The following DIAPH2 variants were observed in gnomAD, a reference collection of about 807,000 sequenced individuals.
DIAPH2 encodes the protein protein diaphanous homolog 2.
A neutral mutation model predicts 92.7 loss-of-function variants in DIAPH2; 35 were observed. The ratio of observed to expected loss-of-function variants is 0.38; its 90% CI spans 0.29 to 0.50. The LOEUF (loss-of-function observed/expected upper bound fraction) is 0.50. DIAPH2 is among the 20% of genes least tolerant of loss of function. The pLI is 0.94. For synonymous variants in DIAPH2, 301 were observed against 280.4 expected (o/e 1.07, Z -0.73); for missense variants, 701 against 819.5 (o/e 0.86, Z 1.77).
chrX:97,156,870 T>G (rs773709461), intron 22 of DIAPH2, among the ~76,000 whole-genome samples: 1 of 111,546 alleles, frequency 9.0e-6, no homozygotes, highest in African/African-American at 3.3e-5. Flanking sequence ...AGTAAAAGTT[T>G]TAGAATAAGC....
chrX:97,338,577 T>C (rs752691209), intron 23 of DIAPH2, among the ~76,000 whole-genome samples: 2 of 112,404 alleles, frequency 1.8e-5, no homozygotes, highest in African/African-American at 6.4e-5. Flanking sequence ...CTAAAGCTTG[T>C]GTGAAGGTTA....
Position 96,918,488 on chromosome X carries a change from TTTC to T in DIAPH2, c.870-15_870-13del. The T allele has an allele frequency of 1.9e-6, 2 of 1,048,811 alleles. No individual in the cohort carries two copies. The highest frequency in any genetic ancestry group is 2.6e-6 in the Non-Finnish European group (2 of 763,598). The allele number at this position is 1,048,811 out of a possible 1,213,427, so 86.4% of individuals were successfully genotyped here. A position where few individuals can be genotyped will look rare whatever the true frequency, so the allele number is the denominator to read the frequency against. On this transcript the variant is annotated intron_variant, in intron 8 of 26. Transcript: ENST00000324765. The stretch of plus-strand genomic sequence containing the variant: ...GTATAAGAAGTATTTCTCATTTCTG[TTTC>T]TTCTTTTTTCTCTACAGTCTAGATA...
At chrX:97,460,060 C>T (rs2070445702) in intron 26 of DIAPH2, among the ~76,000 whole-genome samples, 1 of 111,881 alleles carries the variant, frequency 8.9e-6, no homozygotes, top group Admixed American at 9.5e-5. Context: ...TTCTTTGTCC[C>T]ACAGCCACAA....
chrX:96,986,652 AG>A (rs1389220997), intron 17 of DIAPH2, among the ~76,000 whole-genome samples: 1 of 111,730 alleles, frequency 9.0e-6, no homozygotes. Context: ...CAGAAATACA[AG>A]ATTTAAGGCA....
chrX:97,059,640 A>G (rs2066583333), intron 17 of DIAPH2, among the ~76,000 whole-genome samples: 1 of 112,631 alleles, frequency 8.9e-6, no homozygotes, highest in Non-Finnish European at 1.9e-5. Context: ...TGTGTTACAT[A>G]CTGTATTCTT....
chrX:97,226,639 T>C (rs2067967742), intron 22 of DIAPH2, among the ~76,000 whole-genome samples: 1 of 111,545 alleles, frequency 9.0e-6, no homozygotes, highest in African/African-American at 3.3e-5. Flanking sequence ...CCTCCCACAG[T>C]GCTGGGATTA....
chrX:96,701,685 ATTTGT>A (rs1463677132), intron 1 of DIAPH2: 5 of 111,540 alleles, frequency 4.5e-5, no homozygotes, highest in African/African-American at 1.6e-4. Context: ...AAAGGCACAT[ATTTGT>A]TTTAAGTGTC....
At chrX:96,717,370 A>G (rs2063955723) in intron 1 of DIAPH2, among the ~76,000 whole-genome samples, 1 of 110,829 alleles carries the variant, frequency 9.0e-6, no homozygotes, top group South Asian at 3.8e-4. Flanking sequence ...AGAGCACTGA[A>G]GTCTGACTGT....
At chrX:97,210,557 T>C (rs562935131) in intron 22 of DIAPH2, among the ~76,000 whole-genome samples, 11 of 112,189 alleles carry the variant, frequency 9.8e-5, no homozygotes, top group Middle Eastern at 4.6e-3. Context: ...AAACACTGTG[T>C]GTTTTTATGT....
At chrX:96,763,789 C>T (rs957607607) in intron 4 of DIAPH2, among the ~76,000 whole-genome samples, 5 of 110,994 alleles carry the variant, frequency 4.5e-5, no homozygotes, top group South Asian at 3.8e-4. Flanking sequence ...CAAAGTGGCC[C>T]GTACTGTGAT....
At chrX:97,288,016 G>T (rs1233505363) in intron 23 of DIAPH2, among the ~76,000 whole-genome samples, 2 of 108,758 alleles carry the variant, frequency 1.8e-5, no homozygotes, top group Non-Finnish European at 3.8e-5. Flanking sequence ...CTTGTTTATG[G>T]TGAGGAAGAC....
chrX:97,286,148 C>T (rs1230112073), intron 23 of DIAPH2, among the ~76,000 whole-genome samples: 3 of 105,665 alleles, frequency 2.8e-5, no homozygotes, highest in African/African-American at 1.0e-4. Flanking sequence ...TCAAGCAATT[C>T]TCCCGCCTCA....
chrX:96,914,013 A>C lies in DIAPH2; in HGVS notation c.732+1461A>C, dbSNP rs1317832616. 3.6e-5 allele frequency among the ~76,000 whole-genome samples: 4 copies of C among 111,034 alleles called. No homozygotes were observed. In the East Asian group the frequency reaches 1.1e-3, roughly 31 times the overall value. ...AATAGATAATAGAAATAATTACAAC[A>C]ACAAGTAGAAGTTTGCCAAATGTAA... is the stretch of plus-strand genomic sequence containing the variant. On this transcript the variant is annotated intron_variant, in intron 7 of 26. Transcript: ENST00000324765.
At chrX:97,311,486 G>A (rs750437340) in intron 23 of DIAPH2, among the ~76,000 whole-genome samples, 44 of 111,352 alleles carry the variant, frequency 4.0e-4, no homozygotes, top group Non-Finnish European at 7.3e-4. Flanking sequence ...ACAACTTGGT[G>A]GGGGGAAGCC....
intron 26 of DIAPH2, among the ~76,000 whole-genome samples, chrX:97,436,567 C>T (rs902126794): frequency 6.3e-5 from 7 of 111,668 alleles, no homozygotes; most frequent in Non-Finnish European, 1.3e-4. Context: ...AAGAAACCTC[C>T]GTATGTATTA....
At chrX:97,408,650 T>G (rs1359205016) in intron 25 of DIAPH2, among the ~76,000 whole-genome samples, 1 of 112,039 alleles carries the variant, frequency 8.9e-6, no homozygotes, top group Admixed American at 9.5e-5. Context: ...ATTCCCTCAT[T>G]TGATTCCTTG....
At chrX:97,291,088 CA>C (rs376936652) in intron 23 of DIAPH2, among the ~76,000 whole-genome samples, 3 of 95,586 alleles carry the variant, frequency 3.1e-5, no homozygotes, top group Non-Finnish European at 2.1e-5. Context: ...CAGGCTCTGT[CA>C]AAAAAAAAAC....
At chrX:97,492,909 A>G (rs747566809) in intron 26 of DIAPH2, among the ~76,000 whole-genome samples, 1 of 112,450 alleles carries the variant, frequency 8.9e-6, no homozygotes, top group African/African-American at 3.2e-5. Context: ...TTTGGGCTTC[A>G]TGAATCTGGA....
At chrX:97,077,678 T>TAAAAAAC (rs370509695) in intron 19 of DIAPH2, among the ~76,000 whole-genome samples, 10 of 111,846 alleles carry the variant, frequency 8.9e-5, no homozygotes, top group African/African-American at 2.9e-4. Flanking sequence ...TTGTCTTACT[T>TAAAAAAC]AAAAAACAAA....
Sources: gnomAD v4.1 joint callset for allele counts (sites outside exome capture counted in the v4.1 genomes callset) on GRCh38, gnomAD v4.1.1 for gene constraint, MANE v1.5 for transcripts, NCBI Gene and HGNC (gene_info 2026-07-23, HGNC 2026-07-21) for gene names.